Variants in FNBP1L observed in about 807,000 individuals in gnomAD.
FNBP1L encodes the protein formin-binding protein 1-like.
In FNBP1L, 36 loss-of-function variants were observed where a neutral mutation model predicts 91.2. The ratio of observed to expected loss-of-function variants is 0.39; its 90% CI spans 0.30 to 0.52. The LOEUF is 0.52. FNBP1L is among the 20% of genes least tolerant of loss of function. FNBP1L has a pLI of 0.66. For synonymous variants in FNBP1L, 242 were observed against 237.0 expected, an observed-to-expected ratio of 1.02 and a Z score of -0.19; for missense variants, 571 against 732.1, an observed-to-expected ratio of 0.78 and a Z score of 2.54.
intron 1 of FNBP1L, among the ~76,000 whole-genome samples, chr1:93,472,283 C>T (rs554253672): frequency 4.6e-5 from 7 of 152,224 alleles, no homozygotes; most frequent in East Asian, 1.9e-4. Context: ...ATTGATTTCA[C>T]GAATACTACT....
chr1:93,491,001 GC>G (rs1321190217), intron 1 of FNBP1L, among the ~76,000 whole-genome samples: 1 of 150,728 alleles, frequency 6.6e-6, no homozygotes, highest in Non-Finnish European at 1.5e-5. Context: ...AGTGCAGTGT[GC>G]GATCATGGCT....
intron 2 of FNBP1L, among the ~76,000 whole-genome samples, chr1:93,503,066 C>CT (rs201683253): frequency 8.0e-5 from 12 of 149,778 alleles, no homozygotes; most frequent in African/African-American, 2.0e-4. Context: ...TGAGGCAGCA[C>CT]TTTTTTTTTT....
intron 1 of FNBP1L, among the ~76,000 whole-genome samples, chr1:93,468,467 G>C (rs976457464): frequency 6.6e-6 from 1 of 152,178 alleles, no homozygotes; most frequent in Non-Finnish European, 1.5e-5. Context: ...GTCTCGCTCT[G>C]TCATCCAGGC....
At chr1:93,461,622 C>T (rs975802987) in intron 1 of FNBP1L, among the ~76,000 whole-genome samples, 5 of 151,874 alleles carry the variant, frequency 3.3e-5, no homozygotes, top group African/African-American at 9.7e-5. Context: ...TTTCTAGAAA[C>T]CCTACAAAAA....
At chr1:93,462,540 A>G (rs183206004) in intron 1 of FNBP1L, among the ~76,000 whole-genome samples, 4 of 152,270 alleles carry the variant, frequency 2.6e-5, no homozygotes, top group Admixed American at 2.6e-4. Flanking sequence ...CTCCTTAGAC[A>G]CTTGGCAGTA....
At chr1:93,526,195 A>G (rs767340763) in intron 5 of FNBP1L, among the ~76,000 whole-genome samples, 29 of 152,318 alleles carry the variant, frequency 1.9e-4, no homozygotes, top group Non-Finnish European at 1.0e-4. Flanking sequence ...TTAAGAAGAT[A>G]GAAGCATCAG....
In FNBP1L at chr1:93,552,625, C is replaced by T. The variant is rs532357389; in HGVS notation, c.*209C>T. The T allele has an allele frequency of 9.9e-5, 44 of 442,404 alleles. 1 individual carries two copies. In the South Asian group the frequency reaches 3.7e-3, roughly 37 times the overall value. 27.4% of individuals were successfully genotyped at this position (442,404 alleles called of 1,614,324 possible). On this transcript the variant is annotated 3_prime_UTR_variant, in exon 17 of 17. Coordinates refer to ENST00000271234, the MANE Select transcript of FNBP1L (RefSeq NM_001164473.3). ...AATACCAACCCTTAAGTTCCTAGTTCACAGTTATTCCCACAAAAGAAAAAG... is the reference window on the plus strand; with the variant it reads ...AATACCAACCCTTAAGTTCCTAGTTTACAGTTATTCCCACAAAAGAAAAAG...
chr1:93,507,784 G>A (rs1356940306), intron 2 of FNBP1L, among the ~76,000 whole-genome samples: 1 of 151,986 alleles, frequency 6.6e-6, no homozygotes, highest in Non-Finnish European at 1.5e-5. Flanking sequence ...TAGTAGCGGG[G>A]ATTATAGGTG....
At chr1:93,547,312 T>TATAA (rs1557822581) in intron 13 of FNBP1L, 35 bp from the exon 14 acceptor site, 1 of 1,439,000 alleles carries the variant, frequency 6.9e-7, no homozygotes, top group South Asian at 1.2e-5. Context: ...AACATATTTA[T>TATAA]TGAGCTCAGT....
chr1:93,533,447 G>A (rs906925085), intron 8 of FNBP1L, among the ~76,000 whole-genome samples: 2 of 152,150 alleles, frequency 1.3e-5, no homozygotes, highest in Non-Finnish European at 2.9e-5. Context: ...AATGTGGGTA[G>A]CATATGGAGT....
At chr1:93,508,668 C>T (rs1670714563) in intron 2 of FNBP1L, among the ~76,000 whole-genome samples, 1 of 152,166 alleles carries the variant, frequency 6.6e-6, no homozygotes, top group Non-Finnish European at 1.5e-5. Flanking sequence ...GTTACATGTG[C>T]TCTTCCTCCC....
intron 11 of FNBP1L, among the ~76,000 whole-genome samples, chr1:93,542,297 TCAACTC>T (rs999154769): frequency 6.6e-6 from 1 of 151,900 alleles, no homozygotes; most frequent in Non-Finnish European, 1.5e-5. Context: ...CAAAAAACCT[TCAACTC>T]CAAAGTAGAT....
intron 2 of FNBP1L, among the ~76,000 whole-genome samples, chr1:93,506,131 T>A (rs1312293491): frequency 1.3e-5 from 2 of 152,230 alleles, no homozygotes; most frequent in Admixed American, 1.3e-4. Flanking sequence ...TTATTGATTT[T>A]AATTTTTTAT....
At chr1:93,481,954 G>A (rs2101708594) in intron 1 of FNBP1L, among the ~76,000 whole-genome samples, 1 of 152,246 alleles carries the variant, frequency 6.6e-6, no homozygotes, top group South Asian at 2.1e-4. Context: ...GAGCCCAGGA[G>A]TTTGAGACCA....
At chr1:93,485,412 AC>A (rs1669865478) in intron 1 of FNBP1L, among the ~76,000 whole-genome samples, 1 of 152,216 alleles carries the variant, frequency 6.6e-6, no homozygotes, top group Non-Finnish European at 1.5e-5. Context: ...TTTAATAAAT[AC>A]ATTTATATAT....
At chr1:93,508,517 A>G (rs927282744) in intron 2 of FNBP1L, among the ~76,000 whole-genome samples, 1 of 152,086 alleles carries the variant, frequency 6.6e-6, no homozygotes, top group African/African-American at 2.4e-5. Context: ...GGCTCAGGAT[A>G]TTGGGGTTTG....
intron 1 of FNBP1L, among the ~76,000 whole-genome samples, chr1:93,474,875 C>T (rs1669437892): frequency 6.6e-6 from 1 of 152,168 alleles, no homozygotes; most frequent in African/African-American, 2.4e-5. Flanking sequence ...TCACACCTAG[C>T]TTCTTTTCTT....
intron 1 of FNBP1L, among the ~76,000 whole-genome samples, chr1:93,495,887 A>C (rs1421159911): frequency 6.6e-6 from 1 of 152,246 alleles, no homozygotes; most frequent in Non-Finnish European, 1.5e-5. Flanking sequence ...TGTACACTTA[A>C]AATTCTTAGA....
intron 10 of FNBP1L, among the ~76,000 whole-genome samples, chr1:93,537,831 A>G (rs1557817044): frequency 1.3e-5 from 2 of 152,020 alleles, no homozygotes; most frequent in Non-Finnish European, 2.9e-5. Context: ...TTGCTTCCCT[A>G]TGGCAGTTTA....
Sources: gnomAD v4.1 joint callset for allele counts (sites outside exome capture counted in the v4.1 genomes callset) on GRCh38, gnomAD v4.1.1 for gene constraint, MANE v1.5 for transcripts, NCBI Gene and HGNC (gene_info 2026-07-23, HGNC 2026-07-21) for gene names.